RCBTB1: variants seen among roughly 807,000 people sequenced by gnomAD.
RCBTB1 encodes the protein RCC1 and BTB domain-containing protein 1.
A neutral mutation model predicts 62.4 loss-of-function variants in RCBTB1; 46 were observed. The observed-to-expected ratio is 0.74, with a 90% CI of 0.58 to 0.94. The LOEUF is 0.94. Among genes scored for constraint, RCBTB1 ranks in the 40% least tolerant of loss-of-function variants. RCBTB1 has a pLI of 0.00. For missense variants in RCBTB1, 565 were observed against 654.9 expected, an observed-to-expected ratio of 0.86 and a Z score of 1.50; for synonymous variants, 222 against 245.8, an observed-to-expected ratio of 0.90 and a Z score of 0.91.
At chr13:49,578,113 G>A (rs918268932) in intron 2 of RCBTB1, among the ~76,000 whole-genome samples, 5 of 152,168 alleles carry the variant, frequency 3.3e-5, no homozygotes, top group African/African-American at 1.2e-4. Context: ...GTGGGGGACC[G>A]GTTCCAGGAT....
intron 8 of RCBTB1, 67 bp from the exon 9 acceptor site, chr13:49,549,715 G>T: frequency 6.6e-7 from 1 of 1,513,562 alleles, no homozygotes; most frequent in Non-Finnish European, 8.9e-7. Context: ...ACCACACAAG[G>T]CAATTTAAAA....
intron 2 of RCBTB1, among the ~76,000 whole-genome samples, chr13:49,567,521 A>G (rs1223622634): frequency 6.6e-6 from 1 of 152,122 alleles, no homozygotes; most frequent in African/African-American, 2.4e-5. Context: ...CTACAAGAGA[A>G]TAACGTGCAA....
intron 12 of RCBTB1, among the ~76,000 whole-genome samples, chr13:49,536,306 G>A (rs535357605): frequency 2.0e-5 from 3 of 152,318 alleles, no homozygotes; most frequent in South Asian, 2.1e-4. Context: ...AGCCCTGAAC[G>A]CATGTGGTGA....
chr13:49,536,476 C>T (rs1959953211), intron 12 of RCBTB1, among the ~76,000 whole-genome samples: 1 of 152,200 alleles, frequency 6.6e-6, no homozygotes, highest in African/African-American at 2.4e-5. Flanking sequence ...ATAATCTGTT[C>T]CTTTCATTCT....
intron 9 of RCBTB1, chr13:49,546,189 G>C (rs566848283): frequency 2.0e-6 from 2 of 985,388 alleles, no homozygotes; most frequent in African/African-American, 1.7e-5. Flanking sequence ...TCTGCATCCA[G>C]TCTTAGGCTG....
chr13:49,557,252 T>G (rs1051660077), intron 5 of RCBTB1, among the ~76,000 whole-genome samples: 1 of 151,978 alleles, frequency 6.6e-6, no homozygotes. Context: ...ACTTAAAAGA[T>G]AGGGAATAGA....
At chr13:49,562,182 T>C (rs999940354) in intron 4 of RCBTB1, among the ~76,000 whole-genome samples, 1 of 150,616 alleles carries the variant, frequency 6.6e-6, no homozygotes, top group Non-Finnish European at 1.5e-5. Flanking sequence ...CATGAAACAA[T>C]AGCAACAAGT....
chr13:49,548,096 A>G (rs1015807908), intron 9 of RCBTB1, among the ~76,000 whole-genome samples: 3 of 151,154 alleles, frequency 2.0e-5, no homozygotes, highest in African/African-American at 7.3e-5. Flanking sequence ...CACTTTTTTG[A>G]AAGTTCATTT....
In RCBTB1 at chr13:49,533,996, C is replaced by T; in HGVS notation, c.*126G>A. ...ATGTTCCTACACAAACAACTGTGTC[C>T]CAGATGTGGAAAAAAACAACCTGAT... On this transcript the variant is annotated 3_prime_UTR_variant, in exon 13 of 13. Transcript: ENST00000378302. The T allele has an allele frequency of 2.1e-6, 2 of 939,286 alleles. No individual in the cohort carries two copies. The highest frequency in any genetic ancestry group is 1.6e-6 in the Non-Finnish European group (1 of 628,528). 58.2% of individuals were successfully genotyped at this position (939,286 alleles called of 1,614,324 possible).
chr13:49,541,082 C>A, intron 11 of RCBTB1, 76 bp from the exon 12 acceptor site: 1 of 1,273,826 alleles, frequency 7.9e-7, no homozygotes, highest in Non-Finnish European at 1.1e-6. Flanking sequence ...TTTTGGTGAA[C>A]AGAGGTGTAC....
intron 4 of RCBTB1, among the ~76,000 whole-genome samples, chr13:49,564,715 C>A (rs1004508814): frequency 6.6e-6 from 1 of 151,378 alleles, no homozygotes; most frequent in Non-Finnish European, 1.5e-5. Context: ...CACGGTGAAA[C>A]CCCATCTCTA....
chr13:49,558,899 C>A (rs1477661543), intron 5 of RCBTB1, among the ~76,000 whole-genome samples: 3 of 152,102 alleles, frequency 2.0e-5, no homozygotes, highest in African/African-American at 7.2e-5. Flanking sequence ...ACTATGATCA[C>A]CCCAACTCAG....
intron 12 of RCBTB1, 151 bp from the exon 13 acceptor site, chr13:49,534,413 AC>A: frequency 1.4e-6 from 1 of 712,978 alleles, no homozygotes; most frequent in Non-Finnish European, 2.3e-6. Context: ...CAAAAAGGTG[AC>A]CACAGGTAGG....
At position 49,551,462 on chromosome 13, in the gene RCBTB1, A is replaced by G. The variant is rs1179860559; in HGVS notation, c.718T>C (p.Cys240Arg). ...AGTGCTAGAGTATGTGCGTAACCGC[A>G]GACAATCTGCAAGTAAATTGAAACG... ...LHSVCVNQIV[C>R]GYAHTLALTD... The change falls in exon 8 of 13, where the codon TGC becomes CGC. Residue 240 changes from cysteine (C) to arginine (R), a missense_variant. Physicochemically the swap from Cys to Arg is radical, Grantham distance 180. Transcript: ENST00000378302. 6.2e-7 allele frequency: 1 copy of G among 1,613,844 alleles called. No individual in the cohort carries two copies. The highest frequency in any genetic ancestry group is 8.5e-7 in the Non-Finnish European group (1 of 1,179,938).
intron 12 of RCBTB1, 132 bp downstream of exon 12, chr13:49,540,744 T>G: frequency 2.1e-6 from 2 of 952,428 alleles, no homozygotes; most frequent in South Asian, 3.9e-5. Context: ...GATTTCAGTT[T>G]TCAATGGGTT....
rs774842821 is a variant in RCBTB1 at position 49,544,780 on chromosome 13, C to G, written c.1129G>C (p.Asp377His). Residue 377 changes from aspartate to histidine, a missense_variant, in exon 10 of 13, where the codon GAT becomes CAT. By Grantham distance (81) the Asp-to-His change is moderately conservative. Transcript: ENST00000378302. ...PETADLKFRI[D>H]GKYIHVHKAV... is the part of the protein sequence containing the mutation. ...TTATGGACATGAATATATTTTCCAT[C>G]AATTCGAAACTTCAGATCAGCAGTT... 20 of 1,611,932 alleles carry G rather than the reference C, an allele frequency of 1.2e-5. No homozygotes were observed. In the East Asian group the frequency reaches 4.2e-4, roughly 34 times the overall value.
chr13:49,541,957 T>C (rs746214772), intron 10 of RCBTB1, 130 bp from the exon 11 acceptor site: 2 of 1,024,780 alleles, frequency 2.0e-6, no homozygotes, highest in Non-Finnish European at 2.7e-6. Context: ...GGCTCATGCC[T>C]GTAATCCCAG....
intron 10 of RCBTB1, among the ~76,000 whole-genome samples, chr13:49,542,068 G>A (rs1402882113): frequency 6.6e-6 from 1 of 152,018 alleles, no homozygotes; most frequent in Admixed American, 6.5e-5. Context: ...TACAAAATTA[G>A]CTGGGCATGG....
chr13:49,540,853 T>C, intron 12 of RCBTB1, 23 bp downstream of exon 12: 1 of 1,608,552 alleles, frequency 6.2e-7, no homozygotes, highest in Non-Finnish European at 8.5e-7. Flanking sequence ...GGTGGTCTGG[T>C]TTCTGTTTGT....
Sources: gnomAD v4.1 joint callset for allele counts (sites outside exome capture counted in the v4.1 genomes callset) on GRCh38, gnomAD v4.1.1 for gene constraint, MANE v1.5 for transcripts, NCBI Gene and HGNC (gene_info 2026-07-23, HGNC 2026-07-21) for gene names.